The following CCDC73 variants were observed in gnomAD, a reference collection of about 807,000 sequenced individuals.
The protein encoded by CCDC73 is coiled-coil domain-containing protein 73.
Under a neutral mutation model 116.5 loss-of-function variants are expected in CCDC73, and 95 were observed. That is an observed-to-expected ratio of 0.82 (90% confidence interval 0.69 to 0.97). The LOEUF (loss-of-function observed/expected upper bound fraction) is 0.97. Ranked by LOEUF, CCDC73 falls within the 50% of genes least tolerant of loss-of-function variation. CCDC73 has a pLI of 0.00. For missense variants in CCDC73, 1,066 were observed against 1,206.8 expected (o/e 0.88, Z 1.73); for synonymous variants, 398 against 401.3 (o/e 0.99, Z 0.10).
chr11:32,789,207 G>A (rs1850653053), intron 1 of CCDC73, among the ~76,000 whole-genome samples: 1 of 152,246 alleles, frequency 6.6e-6, no homozygotes, highest in South Asian at 2.1e-4. Flanking sequence ...GGGAAAAAAA[G>A]GGAATAATAC....
chr11:32,686,780 G>A (rs948931605), intron 6 of CCDC73, among the ~76,000 whole-genome samples: 2 of 152,106 alleles, frequency 1.3e-5, no homozygotes, highest in Non-Finnish European at 1.5e-5. Flanking sequence ...CCACATAGCT[G>A]CATTTCTGAC....
At chr11:32,697,689 G>A (rs1413817617) in intron 6 of CCDC73, among the ~76,000 whole-genome samples, 2 of 151,626 alleles carry the variant, frequency 1.3e-5, no homozygotes, top group East Asian at 2.0e-4. Flanking sequence ...TCACCATGTT[G>A]GCCAGGCTGG....
chr11:32,805,319 T>C, the CCDC73 span, among the ~76,000 whole-genome samples: 1 of 152,228 alleles, frequency 6.6e-6, no homozygotes, highest in Non-Finnish European at 1.5e-5. Context: ...CATAAACAAG[T>C]TATACCATTT....
At chr11:32,693,978 G>C (rs111580695) in intron 6 of CCDC73, among the ~76,000 whole-genome samples, 6 of 152,288 alleles carry the variant, frequency 3.9e-5, no homozygotes, top group African/African-American at 7.2e-5. Context: ...GGCAAAAACT[G>C]GAAGCATTCC....
At chr11:32,823,695 T>A in the CCDC73 span, among the ~76,000 whole-genome samples, 2 of 151,260 alleles carry the variant, frequency 1.3e-5, no homozygotes, top group Non-Finnish European at 2.9e-5. Context: ...AACACAGGAA[T>A]CAAATCGAAT....
At chr11:32,779,876 T>C (rs1333333726) in intron 1 of CCDC73, among the ~76,000 whole-genome samples, 1 of 152,178 alleles carries the variant, frequency 6.6e-6, no homozygotes, top group Non-Finnish European at 1.5e-5. Context: ...CATAACAGCT[T>C]ACCATACATC....
intron 2 of CCDC73, among the ~76,000 whole-genome samples, chr11:32,732,412 A>G (rs1850087222): frequency 1.3e-5 from 2 of 152,170 alleles, no homozygotes; most frequent in Non-Finnish European, 2.9e-5. Context: ...CAGGAAATAC[A>G]GAGAACACCA....
At chr11:32,704,277 G>A (rs1288758639) in intron 3 of CCDC73, among the ~76,000 whole-genome samples, 1 of 152,230 alleles carries the variant, frequency 6.6e-6, no homozygotes, top group Non-Finnish European at 1.5e-5. Flanking sequence ...GAAGCTTAAA[G>A]TACCTGTTTC....
intron 6 of CCDC73, among the ~76,000 whole-genome samples, chr11:32,686,102 A>T (rs1295291543): frequency 1.3e-5 from 2 of 150,508 alleles, no homozygotes; most frequent in Non-Finnish European, 3.0e-5. Flanking sequence ...CCACTTAATA[A>T]GCTACTGCAA....
chr11:32,793,545 G>A (rs1850694970), intron 1 of CCDC73, among the ~76,000 whole-genome samples: 1 of 152,128 alleles, frequency 6.6e-6, no homozygotes, highest in Non-Finnish European at 1.5e-5. Context: ...TGACTTAAGG[G>A]TTGTCACTTA....
intron 2 of CCDC73, among the ~76,000 whole-genome samples, chr11:32,759,887 T>TAAAA (rs1248593749): frequency 6.6e-6 from 1 of 152,198 alleles, no homozygotes; most frequent in Non-Finnish European, 1.5e-5. Flanking sequence ...GTACTTAATC[T>TAAAA]GAAAACTCTT....
At chr11:32,755,611 G>GTGTGTATATATATATCCATATATA (rs1565094119) in intron 2 of CCDC73, among the ~76,000 whole-genome samples, 1 of 25,200 alleles carries the variant, frequency 4.0e-5, no homozygotes, top group African/African-American at 1.4e-4. Context: ...CCATATATAT[G>GTGTGTATATATATATCCATATATA]TGTGTGTATA....
chr11:32,649,116 G>A (rs1263630042), intron 12 of CCDC73, among the ~76,000 whole-genome samples: 1 of 152,058 alleles, frequency 6.6e-6, no homozygotes, highest in Non-Finnish European at 1.5e-5. Flanking sequence ...CTGAGTTAAT[G>A]GTGACTGTAA....
intron 2 of CCDC73, among the ~76,000 whole-genome samples, chr11:32,719,861 C>T (rs1165948390): frequency 4.6e-5 from 7 of 152,064 alleles, no homozygotes; most frequent in Non-Finnish European, 8.8e-5. Context: ...CAAGATAATA[C>T]AGACAATCTA....
chr11:32,626,767 C>A (rs982484307), intron 14 of CCDC73, among the ~76,000 whole-genome samples: 4 of 152,236 alleles, frequency 2.6e-5, no homozygotes, highest in African/African-American at 9.6e-5. Flanking sequence ...AACTGGCTAG[C>A]CACATGTAGA....
At chr11:32,660,745 C>A (rs573258533) in intron 9 of CCDC73, among the ~76,000 whole-genome samples, 5 of 152,152 alleles carry the variant, frequency 3.3e-5, no homozygotes, top group African/African-American at 1.2e-4. Flanking sequence ...CTGCTTGAGC[C>A]CAGGTGTTCA....
intron 1 of CCDC73, among the ~76,000 whole-genome samples, chr11:32,785,297 C>T (rs1233882405): frequency 6.6e-6 from 1 of 152,160 alleles, no homozygotes; most frequent in Non-Finnish European, 1.5e-5. Context: ...TACCAGATTA[C>T]AATGTGAAAT....
intron 2 of CCDC73, among the ~76,000 whole-genome samples, chr11:32,757,601 C>T (rs1312081210): frequency 6.6e-6 from 1 of 152,144 alleles, no homozygotes; most frequent in African/African-American, 2.4e-5. Flanking sequence ...GGCGGCATAC[C>T]TTCTACAGTC....
At chr11:32,767,369 T>C (rs897125694) in intron 1 of CCDC73, among the ~76,000 whole-genome samples, 1 of 152,176 alleles carries the variant, frequency 6.6e-6, no homozygotes, top group African/African-American at 2.4e-5. Flanking sequence ...ATAAAAACTC[T>C]AGAAGAAAGC....
Sources: gnomAD v4.1 joint callset for allele counts (sites outside exome capture counted in the v4.1 genomes callset) on GRCh38, gnomAD v4.1.1 for gene constraint, MANE v1.5 for transcripts, NCBI Gene and HGNC (gene_info 2026-07-23, HGNC 2026-07-21) for gene names.